The following PPFIA2 variants were observed in gnomAD, a reference collection of about 807,000 sequenced individuals.
The protein encoded by PPFIA2 is PPFI scaffold protein A2.
PPFIA2 carries 46 observed loss-of-function variants against 175.5 expected under a neutral mutation model. That is an observed-to-expected ratio of 0.26 (90% confidence interval 0.21 to 0.34). The LOEUF is 0.34. PPFIA2 is among the 10% of genes least tolerant of loss of function. The pLI is 1.00. For synonymous variants in PPFIA2, 568 were observed against 511.4 expected, an observed-to-expected ratio of 1.11 and a Z score of -1.49; for missense variants, 1,179 against 1,506.1, an observed-to-expected ratio of 0.78 and a Z score of 3.60.
chr12:81,445,551 T>C lies in PPFIA2; in HGVS notation c.570+5A>G. On this transcript the variant is annotated splice_donor_5th_base_variant and intron_variant, in intron 6 of 32. Coordinates refer to ENST00000549396, the MANE Select transcript of PPFIA2 (RefSeq NM_003625.5). ...TTAAGCTTGAACTCTTTTTCCATAC[T>C]ATACCTTTTCATCCAAGGCCTTGTG... is the stretch of plus-strand genomic sequence containing the variant. 6.2e-7 allele frequency: 1 copy of C among 1,612,620 alleles called. No homozygotes were observed. The highest frequency in any genetic ancestry group is 8.5e-7 in the Non-Finnish European group (1 of 1,179,230).
chr12:81,646,100 C>T (rs1460720011), intron 4 of PPFIA2, among the ~76,000 whole-genome samples: 1 of 152,192 alleles, frequency 6.6e-6, no homozygotes, highest in East Asian at 1.9e-4. Context: ...CCAAGGTCAG[C>T]TGCCATGAAG....
chr12:81,532,584 CAGTTAGAAAT>C (rs1452832333), intron 4 of PPFIA2, among the ~76,000 whole-genome samples: 2 of 151,754 alleles, frequency 1.3e-5, no homozygotes, highest in Admixed American at 1.3e-4. Flanking sequence ...AAATACTATA[CAGTTAGAAAT>C]CTTTTACTCT....
rs1412381762 is a variant in PPFIA2, at chr12:81,666,512, C to CA, written c.303+10278dup. ...CATTCTCAGCAAACTATCACAAGGA[C>CA]AAAAAACCAAACACCACATGTTCTC... is the stretch of plus-strand genomic sequence containing the variant. On this transcript the variant is annotated intron_variant, in intron 4 of 32. Transcript: ENST00000549396. Among the ~76,000 whole-genome samples, 7 of 152,102 alleles carry CA rather than the reference C, an allele frequency of 4.6e-5. No homozygotes were observed. The East Asian group carries it at 1.2e-3, about 25-fold the overall frequency.
At chr12:81,312,272 T>C (rs2051117689) in intron 22 of PPFIA2, 1 of 1,143,862 alleles carries the variant, frequency 8.7e-7, no homozygotes, top group Non-Finnish European at 1.2e-6. Flanking sequence ...AGAGCATTAT[T>C]TAAGATGTGA....
At chr12:81,696,756 T>G (rs2075942479) in intron 3 of PPFIA2, among the ~76,000 whole-genome samples, 1 of 152,014 alleles carries the variant, frequency 6.6e-6, no homozygotes, top group South Asian at 2.1e-4. Context: ...CTTCACCCAG[T>G]AAAGGAATTA....
At chr12:81,660,791 CAGAG>C (rs1383467933) in intron 4 of PPFIA2, among the ~76,000 whole-genome samples, 1 of 152,118 alleles carries the variant, frequency 6.6e-6, no homozygotes. Context: ...TAAGTGCAGC[CAGAG>C]AGAAAGGTCG....
At chr12:81,261,556 T>C (rs1016554324) in intron 32 of PPFIA2, among the ~76,000 whole-genome samples, 1 of 152,198 alleles carries the variant, frequency 6.6e-6, no homozygotes, top group South Asian at 2.1e-4. Flanking sequence ...CTTAAATCCC[T>C]ATCCGCTACC....
chr12:81,486,766 T>C (rs2058862323), intron 4 of PPFIA2, among the ~76,000 whole-genome samples: 1 of 151,858 alleles, frequency 6.6e-6, no homozygotes, highest in Admixed American at 6.6e-5. Context: ...CTGACAGTAA[T>C]CATTAAAATA....
chr12:81,368,582 T>C (rs1393194563), intron 13 of PPFIA2, 143 bp downstream of exon 13: 7 of 853,704 alleles, frequency 8.2e-6, no homozygotes, highest in Admixed American at 6.0e-5. Flanking sequence ...ATAAAAAATA[T>C]GCATTCCTTT....
At chr12:81,678,037 ACT>A (rs1180994526) in intron 3 of PPFIA2, among the ~76,000 whole-genome samples, 1 of 151,742 alleles carries the variant, frequency 6.6e-6, no homozygotes, top group Admixed American at 6.6e-5. Flanking sequence ...AAAAAACACA[ACT>A]CTCTGCTAAA....
intron 3 of PPFIA2, among the ~76,000 whole-genome samples, chr12:81,684,961 G>T (rs936941256): frequency 5.9e-5 from 9 of 151,986 alleles, no homozygotes; most frequent in African/African-American, 2.2e-4. Context: ...CCAATTAAAG[G>T]TCTGACACCT....
intron 3 of PPFIA2, among the ~76,000 whole-genome samples, chr12:81,698,553 A>G (rs1233653655): frequency 1.3e-5 from 2 of 152,144 alleles, no homozygotes; most frequent in Non-Finnish European, 2.9e-5. Flanking sequence ...TGAACTTAAG[A>G]GAAGAATGGT....
intron 7 of PPFIA2, among the ~76,000 whole-genome samples, chr12:81,406,510 A>G (rs891883947): frequency 6.6e-6 from 1 of 152,162 alleles, no homozygotes; most frequent in Non-Finnish European, 1.5e-5. Flanking sequence ...AAATTAAGAA[A>G]GCAGTTATTC....
rs368303534 is a variant in PPFIA2, at chr12:81,380,922, C to T, written c.984+3101G>A. ...TAAACCATGGGCCTGGGTCTTGAGA[C>T]CTGAATATTTCAGAATTCGTTTATT... On this transcript the variant is annotated intron_variant, in intron 9 of 32. Coordinates refer to ENST00000549396, the MANE Select transcript of PPFIA2 (RefSeq NM_003625.5). Among the ~76,000 whole-genome samples the T allele has an allele frequency of 9.3e-5, 14 of 150,460 alleles. No individual in the cohort carries two copies. In the East Asian group the frequency reaches 2.7e-3, roughly 29 times the overall value.
At chr12:81,326,424 T>A (rs1266396594) in intron 21 of PPFIA2, among the ~76,000 whole-genome samples, 3 of 152,136 alleles carry the variant, frequency 2.0e-5, no homozygotes, top group Non-Finnish European at 4.4e-5. Context: ...GACTCCTATG[T>A]CCTTCACTAT....
intron 4 of PPFIA2, among the ~76,000 whole-genome samples, chr12:81,605,262 A>G (rs2060173786): frequency 6.6e-6 from 1 of 151,844 alleles, no homozygotes; most frequent in African/African-American, 2.4e-5. Flanking sequence ...TACACTGAAA[A>G]GGCTGCTTAT....
intron 7 of PPFIA2, chr12:81,430,255 G>A (rs1366686706): frequency 6.6e-6 from 1 of 151,962 alleles, no homozygotes; most frequent in Non-Finnish European, 1.5e-5. Context: ...TTATAACAAG[G>A]CTGTCACTCA....
At chr12:81,300,613 A>G (rs1423651999) in intron 22 of PPFIA2, among the ~76,000 whole-genome samples, 1 of 152,188 alleles carries the variant, frequency 6.6e-6, no homozygotes, top group Non-Finnish European at 1.5e-5. Flanking sequence ...TTGAGGGGAT[A>G]GAAGTGTTAA....
chr12:81,445,787 C>T, intron 5 of PPFIA2, 67 bp from the exon 6 acceptor site: 2 of 1,445,534 alleles, frequency 1.4e-6, no homozygotes, highest in Non-Finnish European at 9.4e-7. Flanking sequence ...CAAATGACTT[C>T]CCCCTTAAAT....
Sources: gnomAD v4.1 joint callset for allele counts (sites outside exome capture counted in the v4.1 genomes callset) on GRCh38, gnomAD v4.1.1 for gene constraint, MANE v1.5 for transcripts, NCBI Gene and HGNC (gene_info 2026-07-23, HGNC 2026-07-21) for gene names.